DCP1A: variants seen among roughly 807,000 people sequenced by gnomAD.
DCP1A encodes mRNA-decapping enzyme 1A.
Under a neutral mutation model 58.0 loss-of-function variants are expected in DCP1A, and 20 were observed. The ratio of observed to expected loss-of-function variants is 0.34; its 90% CI spans 0.24 to 0.50. DCP1A has a LOEUF of 0.50. DCP1A is among the 20% of genes least tolerant of loss of function. The pLI, the probability that DCP1A is intolerant of heterozygous loss-of-function variation, is 0.98. For synonymous variants in DCP1A, 285 were observed against 275.1 expected (o/e 1.04, Z -0.36); for missense variants, 613 against 712.2 (o/e 0.86, Z 1.59).
rs1162428727 is a variant in DCP1A, at chr3:53,342,366, T to C, written c.177-95A>G. 8.2e-6 allele frequency: 8 copies of C among 981,460 alleles called. No individual in the cohort carries two copies. The African/African-American group carries it at 1.2e-4, about 14-fold the overall frequency. The allele number at this position is 981,460 out of a possible 1,614,324, so 60.8% of individuals were successfully genotyped here. A position where few individuals can be genotyped will look rare whatever the true frequency, so the allele number is the denominator to read the frequency against. Reference sequence around the variant, plus strand: ...ACTTTATTTTCATTTCAAAAAAGAATGCATTAGAACATTATACAATATTAT... The same window carrying C: ...ACTTTATTTTCATTTCAAAAAAGAACGCATTAGAACATTATACAATATTAT... On this transcript the variant is annotated intron_variant, in intron 2 of 9. Transcript: ENST00000610213.
intron 3 of DCP1A, among the ~76,000 whole-genome samples, chr3:53,336,337 C>A (rs1372168656): frequency 6.6e-6 from 1 of 151,410 alleles, no homozygotes; most frequent in Non-Finnish European, 1.5e-5. Context: ...GAACTCTTGA[C>A]CTCAGGTGAT....
chr3:53,345,069 C>T lies in DCP1A; in HGVS notation c.136-127G>A, dbSNP rs2089276011. 4 of 719,972 alleles carry T rather than the reference C, an allele frequency of 5.6e-6. No homozygotes were observed. The Admixed American group carries it at 1.3e-4, about 23-fold the overall frequency. The allele number at this position is 719,972 out of a possible 1,614,324, so 44.6% of individuals were successfully genotyped here. A position where few individuals can be genotyped will look rare whatever the true frequency, so the allele number is the denominator to read the frequency against. ...ATTTCATCTATTATAAAATTAACCA[C>T]TTTTGAACAGGTAAAGTCTCCCTCT... On this transcript the variant is annotated intron_variant, in intron 1 of 9. Transcript: ENST00000610213.
At position 53,287,519 on chromosome 3, in the gene DCP1A, C is replaced by A; in HGVS notation, c.*61G>T. ...ACTCAATGTTCTGCTCAGAAGTTTC[C>A]ATGATGAAGCCTATTTGTCTCTGAG... On this transcript the variant is annotated 3_prime_UTR_variant, in exon 10 of 10. Coordinates refer to ENST00000610213, the MANE Select transcript of DCP1A (RefSeq NM_018403.7). 1 of 1,156,920 alleles carries A rather than the reference C, an allele frequency of 8.6e-7. No homozygotes were observed. Among genetic ancestry groups the A allele is most frequent in the Non-Finnish European group, 1.3e-6 (1 of 769,158 alleles). 71.7% of individuals were successfully genotyped at this position (1,156,920 alleles called of 1,614,324 possible). A position where few individuals can be genotyped will look rare whatever the true frequency, so the allele number is the denominator to read the frequency against.
intron 6 of DCP1A, among the ~76,000 whole-genome samples, chr3:53,299,504 G>A (rs1553687182): frequency 6.6e-6 from 1 of 152,078 alleles, no homozygotes; most frequent in African/African-American, 2.4e-5. Flanking sequence ...CTCATCCCAC[G>A]GAGAATTGAT....
chr3:53,316,596 C>CTTTT (rs11351636), intron 4 of DCP1A, among the ~76,000 whole-genome samples: 2 of 112,302 alleles, frequency 1.8e-5, no homozygotes, highest in African/African-American at 3.5e-5. Context: ...TTCTTCTTCC[C>CTTTT]TTTTTTTTTT....
chr3:53,309,099 C>T (rs571349196), intron 5 of DCP1A, among the ~76,000 whole-genome samples: 11 of 152,210 alleles, frequency 7.2e-5, no homozygotes, highest in Admixed American at 4.6e-4. Context: ...AGGCTAGGTA[C>T]GGTGGCTCAC....
At chr3:53,342,323 A>G (rs1374811470) in intron 2 of DCP1A, 52 bp from the exon 3 acceptor site, 2 of 1,308,466 alleles carry the variant, frequency 1.5e-6, no homozygotes, top group South Asian at 1.3e-5. Flanking sequence ...TAATCTGTAG[A>G]AATGTTATCT....
At chr3:53,289,125 C>G (rs1479437734) in intron 8 of DCP1A, among the ~76,000 whole-genome samples, 6 of 151,446 alleles carry the variant, frequency 4.0e-5, no homozygotes, top group Middle Eastern at 3.4e-3. Flanking sequence ...ATCCTCCCCC[C>G]ATTTTTGATT....
intron 5 of DCP1A, among the ~76,000 whole-genome samples, chr3:53,311,286 T>C (rs1212781730): frequency 5.3e-5 from 8 of 152,206 alleles, no homozygotes; most frequent in Non-Finnish European, 1.0e-4. Context: ...CTTAATTCAA[T>C]ATTTAATGAA....
chr3:53,329,105 A>C, intron 3 of DCP1A: 1 of 364,572 alleles, frequency 2.7e-6, no homozygotes, highest in Non-Finnish European at 4.9e-6. Flanking sequence ...ACAAATTGTA[A>C]ACTTATCTTG....
intron 4 of DCP1A, among the ~76,000 whole-genome samples, chr3:53,317,244 C>T (rs1318564234): frequency 6.6e-6 from 1 of 152,160 alleles, no homozygotes; most frequent in African/African-American, 2.4e-5. Flanking sequence ...TGGCTCACCG[C>T]AACCTCCAGC....
At chr3:53,337,502 T>C (rs946798756) in intron 3 of DCP1A, among the ~76,000 whole-genome samples, 33 of 152,224 alleles carry the variant, frequency 2.2e-4, no homozygotes, top group Non-Finnish European at 8.8e-5. Flanking sequence ...CCTTTTAAGA[T>C]AAATAGGTCA....
intron 3 of DCP1A, among the ~76,000 whole-genome samples, chr3:53,328,633 T>C (rs1708176305): frequency 6.6e-6 from 1 of 152,174 alleles, no homozygotes; most frequent in Non-Finnish European, 1.5e-5. Flanking sequence ...TTCTGAAATG[T>C]TCATGGATTT....
intron 3 of DCP1A, among the ~76,000 whole-genome samples, chr3:53,335,361 G>T (rs1180837879): frequency 8.9e-6 from 1 of 112,266 alleles, no homozygotes; most frequent in South Asian, 3.0e-4. Context: ...GACTGGTCTC[G>T]AACTCCTGAC....
At chr3:53,328,968 T>C (rs1254298480) in intron 3 of DCP1A, 5 of 163,440 alleles carry the variant, frequency 3.1e-5, no homozygotes, top group Non-Finnish European at 6.6e-5. Context: ...GAAGACTGCC[T>C]TTCTTCAGGC....
chr3:53,305,356 T>C (rs1332204192), intron 5 of DCP1A, among the ~76,000 whole-genome samples: 2 of 146,746 alleles, frequency 1.4e-5, no homozygotes, highest in Non-Finnish European at 3.0e-5. Context: ...TTTTTTTTTC[T>C]TTTTTTTTTT....
intron 2 of DCP1A, 86 bp from the exon 3 acceptor site, chr3:53,342,357 A>G (rs1396655387): frequency 2.9e-6 from 3 of 1,041,904 alleles, no homozygotes; most frequent in Non-Finnish European, 4.1e-6. Context: ...TTTTCATTTC[A>G]AAAAAGAATG....
rs893268199 is a variant in DCP1A, at chr3:53,341,907, C to A, written c.304+237G>T. Among the ~76,000 whole-genome samples the A allele has an allele frequency of 2.6e-5, 4 of 152,126 alleles. No individual in the cohort carries two copies. In the South Asian group the frequency reaches 6.2e-4, roughly 24 times the overall value. On this transcript the variant is annotated intron_variant, in intron 3 of 9. Transcript: ENST00000610213. ...GGCCTGGCTGGTCTCGAACTCCTGA[C>A]CTCAAGTGATCTGCCCTCCTCGGCC...
At chr3:53,319,156 C>T (rs1041011814) in intron 4 of DCP1A, among the ~76,000 whole-genome samples, 6 of 152,068 alleles carry the variant, frequency 3.9e-5, no homozygotes, top group African/African-American at 1.4e-4. Context: ...TGTAAAAAAA[C>T]AATCACACAC....
Sources: allele counts gnomAD v4.1 joint callset (sites outside exome capture counted in the v4.1 genomes callset), GRCh38; gene constraint gnomAD v4.1.1; transcripts MANE v1.5; gene names NCBI Gene and HGNC (gene_info 2026-07-23, HGNC 2026-07-21).